SGCD: variants seen among roughly 807,000 people sequenced by gnomAD.
SGCD encodes the protein delta-sarcoglycan.
A neutral mutation model predicts 36.6 loss-of-function variants in SGCD; 18 were observed. The observed-to-expected ratio is 0.49, with a 90% CI of 0.34 to 0.73. The LOEUF is 0.73. Ranked by LOEUF, SGCD falls within the 30% of genes least tolerant of loss-of-function variation. SGCD has a pLI of 0.01. For synonymous variants in SGCD, 133 were observed against 130.6 expected (o/e 1.02, Z -0.12); for missense variants, 387 against 346.7 (o/e 1.12, Z -0.92).
At chr5:156,190,820 C>T (rs537321599) in intron 3 of SGCD, among the ~76,000 whole-genome samples, 1 of 152,214 alleles carries the variant, frequency 6.6e-6, no homozygotes, top group South Asian at 2.1e-4. Context: ...TTTTCTTCTG[C>T]ACCATCTAAA....
chr5:155,902,063 A>G (rs1028537998), intron 1 of SGCD, among the ~76,000 whole-genome samples: 5 of 152,102 alleles, frequency 3.3e-5, no homozygotes, highest in Admixed American at 2.0e-4. Context: ...GTAGGCTCCC[A>G]CAGTTTTGGA....
chr5:155,842,649 G>T, the SGCD span, among the ~76,000 whole-genome samples: 1 of 152,088 alleles, frequency 6.6e-6, no homozygotes, highest in African/African-American at 2.4e-5. Flanking sequence ...GTGTCTAGTG[G>T]TGGGGGCATA....
intron 1 of SGCD, among the ~76,000 whole-genome samples, chr5:155,952,711 G>A (rs1028114553): frequency 2.6e-5 from 4 of 152,174 alleles, no homozygotes; most frequent in Non-Finnish European, 4.4e-5. Context: ...AGCTCTGCCT[G>A]TGCATTACTG....
chr5:156,352,828 C>A (rs1769322414), intron 3 of SGCD, among the ~76,000 whole-genome samples: 1 of 152,204 alleles, frequency 6.6e-6, no homozygotes, highest in Non-Finnish European at 1.5e-5. Flanking sequence ...CAAGGTCACA[C>A]AGTCAGTGAA....
the SGCD span, among the ~76,000 whole-genome samples, chr5:155,756,708 T>C: frequency 1.3e-5 from 2 of 152,136 alleles, no homozygotes; most frequent in Non-Finnish European, 2.9e-5. Flanking sequence ...ACATTACTGG[T>C]TTCTGAGAAA....
intron 3 of SGCD, among the ~76,000 whole-genome samples, chr5:156,145,469 A>C (rs1243272175): frequency 6.6e-6 from 1 of 152,210 alleles, no homozygotes; most frequent in East Asian, 1.9e-4. Context: ...CCAAACTCAA[A>C]GTGAGGTCAT....
intron 3 of SGCD, among the ~76,000 whole-genome samples, chr5:156,351,779 C>T (rs1769271174): frequency 6.6e-6 from 1 of 152,092 alleles, no homozygotes; most frequent in South Asian, 2.1e-4. Context: ...GGCTCAATAA[C>T]TTGAGATCAA....
chr5:155,866,065 G>A (rs244963), upstream of SGCD, among the ~76,000 whole-genome samples: 82,738 of 151,976 alleles, frequency 0.54, 24,517 homozygotes, highest in African/African-American at 0.78. Flanking sequence ...TTCTTGAGGC[G>A]GCTGTTATAC....
chr5:155,985,136 A>C (rs1003597167), intron 1 of SGCD, among the ~76,000 whole-genome samples: 2 of 152,182 alleles, frequency 1.3e-5, no homozygotes, highest in Admixed American at 1.3e-4. Flanking sequence ...TCACAGCTTA[A>C]ACCAACATCC....
At chr5:156,444,470 C>T (rs1195785295) in intron 3 of SGCD, among the ~76,000 whole-genome samples, 1 of 152,050 alleles carries the variant, frequency 6.6e-6, no homozygotes, top group Non-Finnish European at 1.5e-5. Context: ...AACTGGGTCT[C>T]CAACAATGCT....
chr5:155,977,620 C>G (rs1213787391), intron 1 of SGCD, among the ~76,000 whole-genome samples: 1 of 152,160 alleles, frequency 6.6e-6, no homozygotes, highest in African/African-American at 2.4e-5. Context: ...TTACCTATGC[C>G]ATGGTACATG....
chr5:156,292,036 T>C (rs1159401664), intron 3 of SGCD, among the ~76,000 whole-genome samples: 1 of 152,118 alleles, frequency 6.6e-6, no homozygotes, highest in Non-Finnish European at 1.5e-5. Flanking sequence ...CATTCTACTC[T>C]CTGCTTCTAT....
chr5:156,415,171 A>T (rs867313802), intron 3 of SGCD, among the ~76,000 whole-genome samples: 1 of 152,178 alleles, frequency 6.6e-6, no homozygotes, highest in Non-Finnish European at 1.5e-5. Context: ...CTAGAAGAAG[A>T]TGAATCTTAA....
At position 156,760,171 on chromosome 5, in the gene SGCD, G is replaced by C. The variant is rs3857412; in HGVS notation, c.*781G>C. The C allele has an allele frequency of 0.15, 22,603 of 152,136 alleles. 3,369 individuals carry two copies. The highest frequency in any genetic ancestry group is 0.38 in the African/African-American group (15,867 of 41,418). 9.4% of individuals were successfully genotyped at this position (152,136 alleles called of 1,614,324 possible). ...AATAAGATAACAGCTGTTCCTCAGT[G>C]AGCTGGAAGCTACTTAATGGCCTGA... On this transcript the variant is annotated 3_prime_UTR_variant, in exon 9 of 9. Coordinates refer to ENST00000337851, the MANE Select transcript of SGCD (RefSeq NM_000337.6).
intron 3 of SGCD, among the ~76,000 whole-genome samples, chr5:156,131,179 T>C (rs1762312189): frequency 6.6e-6 from 1 of 152,236 alleles, no homozygotes; most frequent in Non-Finnish European, 1.5e-5. Flanking sequence ...ATATAAATTC[T>C]AGAGCCAGAA....
chr5:156,506,659 A>G (rs77140588), intron 3 of SGCD, among the ~76,000 whole-genome samples: 4,805 of 152,326 alleles, frequency 0.032, 100 homozygotes, highest in Non-Finnish European at 0.047. Flanking sequence ...GGGAAATTAG[A>G]AAATTATAGG....
chr5:156,657,697 G>A (rs980883828), intron 7 of SGCD, among the ~76,000 whole-genome samples: 1 of 152,112 alleles, frequency 6.6e-6, no homozygotes, highest in Non-Finnish European at 1.5e-5. Context: ...AGGAGGCGGA[G>A]GTTGCAGTTG....
chr5:156,175,025 C>T (rs1763432583), intron 3 of SGCD, among the ~76,000 whole-genome samples: 1 of 151,882 alleles, frequency 6.6e-6, no homozygotes, highest in Non-Finnish European at 1.5e-5. Flanking sequence ...ATAAATGAGT[C>T]TAGGGAAAGA....
At chr5:156,336,733 G>A (rs1768374684) in intron 2 of SGCD, among the ~76,000 whole-genome samples, 1 of 152,190 alleles carries the variant, frequency 6.6e-6, no homozygotes, top group South Asian at 2.1e-4. Flanking sequence ...GATAACACTG[G>A]TTGCCTCAGT....
Sources: gnomAD v4.1 joint callset for allele counts (sites outside exome capture counted in the v4.1 genomes callset) on GRCh38, gnomAD v4.1.1 for gene constraint, MANE v1.5 for transcripts, NCBI Gene and HGNC (gene_info 2026-07-23, HGNC 2026-07-21) for gene names.